Variants in FMNL2 observed in about 807,000 individuals in gnomAD.
FMNL2 encodes the protein formin like 2, also known as formin-like protein 2.
FMNL2 carries 51 observed loss-of-function variants against 130.2 expected under a neutral mutation model. That is an observed-to-expected ratio of 0.39 (90% CI 0.31 to 0.49). The LOEUF is 0.49. Among genes scored for constraint, FMNL2 ranks in the 20% least tolerant of loss-of-function variants. The pLI, the probability that FMNL2 is intolerant of heterozygous loss-of-function variation, is 0.85. For missense variants in FMNL2, 977 were observed against 1,316.2 expected (o/e 0.74, Z 3.99); for synonymous variants, 465 against 467.1 (o/e 1.00, Z 0.06).
chr2:152,575,976 C>T (rs17328078), intron 7 of FMNL2, among the ~76,000 whole-genome samples: 2,785 of 152,196 alleles, frequency 0.018, 48 homozygotes, highest in Middle Eastern at 0.037. Flanking sequence ...ATCTTAACAA[C>T]AAAGTGGAAG....
chr2:152,426,502 A>T (rs1687210871), intron 1 of FMNL2, among the ~76,000 whole-genome samples: 1 of 152,214 alleles, frequency 6.6e-6, no homozygotes, highest in Non-Finnish European at 1.5e-5. Context: ...TAGTTCTTGA[A>T]AATTCATCTC....
intron 1 of FMNL2, among the ~76,000 whole-genome samples, chr2:152,445,994 T>C (rs1688312696): frequency 6.6e-6 from 1 of 152,198 alleles, no homozygotes; most frequent in South Asian, 2.1e-4. Flanking sequence ...AGCTGAAACA[T>C]TGGACTACTG....
intron 25 of FMNL2, chr2:152,644,005 G>A (rs1349595793): frequency 1.6e-6 from 1 of 613,820 alleles, no homozygotes; most frequent in Non-Finnish European, 2.0e-6. Context: ...TGAGGCAAAA[G>A]GATCACTTGA....
chr2:152,602,911 A>T (rs1157284352), intron 9 of FMNL2, among the ~76,000 whole-genome samples: 3 of 152,184 alleles, frequency 2.0e-5, no homozygotes, highest in Non-Finnish European at 2.9e-5. Context: ...TTCCACCATG[A>T]TGGTCCTGTT....
chr2:152,641,451 C>T (rs1405165367), intron 25 of FMNL2, among the ~76,000 whole-genome samples: 2 of 152,230 alleles, frequency 1.3e-5, no homozygotes, highest in Non-Finnish European at 2.9e-5. Flanking sequence ...GCTATCTCCT[C>T]GAACCAATTC....
intron 1 of FMNL2, among the ~76,000 whole-genome samples, chr2:152,520,461 G>A (rs1421616996): frequency 2.0e-5 from 3 of 151,996 alleles, no homozygotes; most frequent in African/African-American, 7.3e-5. Flanking sequence ...CAGACATGGT[G>A]GCAAGCTCCT....
rs539507647 is a variant in FMNL2 at position 152,541,994 on chromosome 2, A to G, written c.202-745A>G. On this transcript the variant is annotated intron_variant, in intron 2 of 25. Coordinates refer to ENST00000288670, the MANE Select transcript of FMNL2 (RefSeq NM_052905.4). ...ACACGTGGCATGAATTTTTCAAAGTATGGTTCCTCTTTTGGCAGCATTAGC... is the reference window on the plus strand; with the variant it reads ...ACACGTGGCATGAATTTTTCAAAGTGTGGTTCCTCTTTTGGCAGCATTAGC... 1.4e-4 allele frequency among the ~76,000 whole-genome samples: 22 copies of G among 152,176 alleles called. 1 individual carries two copies. The highest frequency in any genetic ancestry group is 4.3e-4 in the African/African-American group (18 of 41,458).
chr2:152,640,156 G>A, intron 24 of FMNL2, 100 bp downstream of exon 24: 1 of 976,676 alleles, frequency 1.0e-6, no homozygotes, highest in South Asian at 1.9e-5. Flanking sequence ...GTGTGCCCAG[G>A]ATCCTGACCA....
In FMNL2 at chr2:152,649,732, C is replaced by T. The variant is rs1683917903; in HGVS notation, c.*1827C>T. ...TGTTTGTCTATTAATGGGCCTGCTT[C>T]TTAGCAATATTAGAATGTTTTATAA... On this transcript the variant is annotated 3_prime_UTR_variant, in exon 26 of 26. Coordinates refer to ENST00000288670, the MANE Select transcript of FMNL2 (RefSeq NM_052905.4). 1 of 152,596 alleles carries T rather than the reference C, an allele frequency of 6.6e-6. No homozygotes were observed. Among genetic ancestry groups the T allele is most frequent in the Non-Finnish European group, 1.5e-5 (1 of 68,026 alleles). The allele number at this position is 152,596 out of a possible 1,614,324, so 9.5% of individuals were successfully genotyped here.
intron 1 of FMNL2, among the ~76,000 whole-genome samples, chr2:152,478,528 GC>G (rs1690300046): frequency 6.6e-6 from 1 of 152,058 alleles, no homozygotes; most frequent in Non-Finnish European, 1.5e-5. Flanking sequence ...GAGCTACTGT[GC>G]CCGGCCTGAA....
chr2:152,335,650 C>T lies in FMNL2; in HGVS notation c.47C>T (p.Ala16Val), dbSNP rs766844297. 1 of 1,593,928 alleles carries T rather than the reference C, an allele frequency of 6.3e-7. No homozygotes were observed. Among genetic ancestry groups the T allele is most frequent in the Admixed American group, 1.7e-5 (1 of 58,628 alleles). The change falls in exon 1 of 26, where the codon GCG becomes GTG. Residue 16 changes from alanine to valine, a missense_variant. This residue lies in a region of FMNL2 where 117 missense variants were observed against 134.9 expected (regional missense o/e 0.87). Coordinates refer to ENST00000288670, the MANE Select transcript of FMNL2 (RefSeq NM_052905.4). Reference protein sequence around the residue: ...SMDSQQTDFRAHNVPLKLPMP... With the variant: ...SMDSQQTDFRVHNVPLKLPMP... Reference sequence around the variant, plus strand: ...GATTCGCAGCAGACCGATTTCAGGGCGCACAACGTGCCTTTGAAGCTGCCG... The same window carrying T: ...GATTCGCAGCAGACCGATTTCAGGGTGCACAACGTGCCTTTGAAGCTGCCG...
At chr2:152,375,875 CTCTATA>C (rs955357995) in intron 1 of FMNL2, among the ~76,000 whole-genome samples, 9 of 112,830 alleles carry the variant, frequency 8.0e-5, no homozygotes, top group Admixed American at 3.1e-4. Flanking sequence ...CTCTCTCTCT[CTCTATA>C]TATATATATA....
chr2:152,340,783 C>G (rs1454873756), intron 1 of FMNL2, among the ~76,000 whole-genome samples: 2 of 152,158 alleles, frequency 1.3e-5, no homozygotes, highest in Admixed American at 1.3e-4. Context: ...CCTCTGCTAC[C>G]CGGGTTCAAG....
At position 152,348,331 on chromosome 2, in the gene FMNL2, CTG is replaced by C. The variant is rs1306225914; in HGVS notation, c.117+12614_117+12615del. Reference sequence around the variant, plus strand: ...TCTTTGTTTCACCTGCCAGTTCACACTGTGGGCTCCTGAAAGGCAAGGATCAT... The same window carrying C: ...TCTTTGTTTCACCTGCCAGTTCACACTGGGCTCCTGAAAGGCAAGGATCAT... On this transcript the variant is annotated intron_variant, in intron 1 of 25. Transcript: ENST00000288670. Among the ~76,000 whole-genome samples the C allele has an allele frequency of 2.0e-5, 3 of 152,344 alleles. No homozygotes were observed. In the East Asian group the frequency reaches 5.8e-4, roughly 29 times the overall value.
intron 9 of FMNL2, among the ~76,000 whole-genome samples, chr2:152,591,396 C>G (rs547450813): frequency 6.6e-6 from 1 of 152,314 alleles, no homozygotes; most frequent in South Asian, 2.1e-4. Flanking sequence ...AGACTACCAC[C>G]TTTTCTTCAA....
chr2:152,487,758 A>G (rs1042221060), intron 1 of FMNL2, among the ~76,000 whole-genome samples: 3 of 152,128 alleles, frequency 2.0e-5, no homozygotes, highest in African/African-American at 7.2e-5. Context: ...TTGAAATATA[A>G]TAAAACACTT....
chr2:152,491,802 T>C (rs1691212941), intron 1 of FMNL2, among the ~76,000 whole-genome samples: 1 of 152,012 alleles, frequency 6.6e-6, no homozygotes, highest in African/African-American at 2.4e-5. Context: ...AATACAAAAA[T>C]TAGCCTGGCG....
intron 15 of FMNL2, chr2:152,625,202 C>T (rs888070242): frequency 1.2e-5 from 5 of 429,816 alleles, no homozygotes; most frequent in Admixed American, 1.1e-4. Flanking sequence ...AAAATCAACC[C>T]TTGGCCCTTA....
At chr2:152,570,266 G>A (rs1696103403) in intron 6 of FMNL2, among the ~76,000 whole-genome samples, 1 of 152,192 alleles carries the variant, frequency 6.6e-6, no homozygotes, top group Non-Finnish European at 1.5e-5. Flanking sequence ...CTAACTGGCA[G>A]CTCTTCCAAG....
Sources: allele counts gnomAD v4.1 joint callset (sites outside exome capture counted in the v4.1 genomes callset), GRCh38; gene constraint gnomAD v4.1.1; regional missense constraint gnomAD v4.1.1; transcripts MANE v1.5; gene names NCBI Gene and HGNC (gene_info 2026-07-23, HGNC 2026-07-21).